Variants in CROCC2 observed in about 807,000 individuals in gnomAD.
The protein encoded by CROCC2 is ciliary rootlet coiled-coil, rootletin family member 2.
In CROCC2, 163 loss-of-function variants were observed where a neutral mutation model predicts 177.6. The ratio of observed to expected loss-of-function variants is 0.92; its 90% CI spans 0.81 to 1.05. CROCC2 has a LOEUF of 1.05. Among genes scored for constraint, CROCC2 ranks in the 50% least tolerant of loss-of-function variants. The pLI is 0.00. For missense variants in CROCC2, 1,929 were observed against 1,797.8 expected, an observed-to-expected ratio of 1.07 and a Z score of -1.32; for synonymous variants, 904 against 787.3, an observed-to-expected ratio of 1.15 and a Z score of -2.48.
chr2:240,934,469 G>A lies in CROCC2; in HGVS notation c.1785G>A (p.Leu595=). 13 of 1,547,888 alleles carry A rather than the reference G, an allele frequency of 8.4e-6. No homozygotes were observed. Among genetic ancestry groups the A allele is most frequent in the Non-Finnish European group, 5.2e-6 (6 of 1,146,594 alleles). ...AGAGGGAGGGACTGCGCAGCGCCCT[G>A]GCGCGGGTACACTCTGCTCCCCACA... The part of the protein sequence containing the change: ...ESEREGLRSA[L]ARAECSNADL... The change falls in exon 12 of 32, where the codon CTG becomes CTA. Residue 595 remains leucine (L), a synonymous_variant. Coordinates refer to ENST00000690015, the MANE Select transcript of CROCC2 (RefSeq NM_001351305.2).
At chr2:240,921,502 T>G (rs181883472) in intron 3 of CROCC2, among the ~76,000 whole-genome samples, 1 of 152,252 alleles carries the variant, frequency 6.6e-6, no homozygotes, top group Non-Finnish European at 1.5e-5. Context: ...CCAGTGGGAA[T>G]AGAAGCCACA....
Position 240,961,417 on chromosome 2 carries a change from G to T in CROCC2, c.3087+1973G>T, listed in dbSNP as rs571264451. Among the ~76,000 whole-genome samples, 3 of 151,742 alleles carry T rather than the reference G, an allele frequency of 2.0e-5. No individual in the cohort carries two copies. In the South Asian group the frequency reaches 6.2e-4, roughly 32 times the overall value. ...AGGCGTGCACAGAAACGTGCACCAA[G>T]CACACACACGCATGTGTGCGCACAC... On this transcript the variant is annotated intron_variant, in intron 20 of 31. Coordinates refer to ENST00000690015, the MANE Select transcript of CROCC2 (RefSeq NM_001351305.2).
At chr2:240,935,275 C>A in intron 13 of CROCC2, 83 bp from the exon 14 acceptor site, 1 of 1,277,102 alleles carries the variant, frequency 7.8e-7, no homozygotes, top group Non-Finnish European at 1.0e-6. Flanking sequence ...AGACAGTGCC[C>A]CGGGGCAGGC....
At chr2:240,975,923 G>A (rs2106486282) in intron 27 of CROCC2, among the ~76,000 whole-genome samples, 1 of 152,098 alleles carries the variant, frequency 6.6e-6, no homozygotes, top group Admixed American at 6.5e-5. Context: ...TAGGACTGGG[G>A]CTTCATTGTG....
chr2:240,992,277 A>C (rs2059884820), intron 31 of CROCC2, among the ~76,000 whole-genome samples: 1 of 152,132 alleles, frequency 6.6e-6, no homozygotes, highest in African/African-American at 2.4e-5. Context: ...GAATCCCTGC[A>C]TGTGCCACAG....
rs1283971304 is a variant in CROCC2 at position 240,988,875 on chromosome 2, A to C, written c.4683+5A>C. The C allele has an allele frequency of 6.8e-7, 1 of 1,468,834 alleles. No individual in the cohort carries two copies. Among genetic ancestry groups the C allele is most frequent in the African/African-American group, 1.4e-5 (1 of 70,812 alleles). The allele number at this position is 1,468,834 out of a possible 1,614,324, so 91.0% of individuals were successfully genotyped here. A position where few individuals can be genotyped will look rare whatever the true frequency, so the allele number is the denominator to read the frequency against. ...AGGCAAAATCAGCAGCTGCAGGTCA[A>C]CTGGGCCAGTGGAGCTCTGCATACC... On this transcript the variant is annotated splice_donor_5th_base_variant and intron_variant, in intron 29 of 31. Coordinates refer to ENST00000690015, the MANE Select transcript of CROCC2 (RefSeq NM_001351305.2).
chr2:240,942,522 A>G (rs538104289), intron 14 of CROCC2, among the ~76,000 whole-genome samples: 1 of 151,942 alleles, frequency 6.6e-6, no homozygotes, highest in African/African-American at 2.4e-5. Context: ...TTTTTTTATT[A>G]TGCTTAATAA....
At chr2:240,992,830 A>G (rs1284233624) in intron 31 of CROCC2, among the ~76,000 whole-genome samples, 2 of 152,210 alleles carry the variant, frequency 1.3e-5, no homozygotes, top group Admixed American at 1.3e-4. Flanking sequence ...CTTAGTAGGC[A>G]TGTCCCTTCC....
rs551521456 is a variant in CROCC2 at position 240,949,261 on chromosome 2, G to A, written c.2482+164G>A. Reference sequence around the variant, plus strand: ...CGACTGAGCGACTTGGGCCACCCTCGCCCATGAGGAGCAGCAACACCCTGC... The same window carrying A: ...CGACTGAGCGACTTGGGCCACCCTCACCCATGAGGAGCAGCAACACCCTGC... On this transcript the variant is annotated intron_variant, in intron 16 of 31. Coordinates refer to ENST00000690015, the MANE Select transcript of CROCC2 (RefSeq NM_001351305.2). The surrounding 1 kb of genome is among the most constrained non-coding windows in gnomAD (Gnocchi z 4.5). 49 of 919,578 alleles carry A rather than the reference G, an allele frequency of 5.3e-5. No homozygotes were observed. The South Asian group carries it at 1.1e-3, about 21-fold the overall frequency. The allele number at this position is 919,578 out of a possible 1,614,324, so 57.0% of individuals were successfully genotyped here.
At chr2:240,976,260 A>T (rs1414935034) in intron 27 of CROCC2, among the ~76,000 whole-genome samples, 6 of 88,472 alleles carry the variant, frequency 6.8e-5, no homozygotes, top group South Asian at 7.8e-4. Context: ...TAGGAGCCTC[A>T]GGATCCCAGG....
intron 14 of CROCC2, among the ~76,000 whole-genome samples, chr2:240,941,797 A>C (rs2059496204): frequency 6.6e-6 from 1 of 152,194 alleles, no homozygotes; most frequent in Non-Finnish European, 1.5e-5. Flanking sequence ...CCCCTCCAAA[A>C]TGTAGGTGTT....
intron 15 of CROCC2, 28 bp downstream of exon 15, chr2:240,946,281 TGTCCC>T (rs1287890700): frequency 1.3e-6 from 2 of 1,499,034 alleles, no homozygotes; most frequent in East Asian, 5.0e-5. Flanking sequence ...AGTCAGGGCA[TGTCCC>T]ACGTGTCCTT....
Position 240,989,848 on chromosome 2 carries a change from C to A in CROCC2, c.4863+15C>A. On this transcript the variant is annotated intron_variant, in intron 30 of 31. Coordinates refer to ENST00000690015, the MANE Select transcript of CROCC2 (RefSeq NM_001351305.2). ...TGGAAGAGCAGGTAAGGTCGGGACC[C>A]CAGCCCCCTGGGTGAGGGAAGAGGC... 2 of 1,526,528 alleles carry A rather than the reference C, an allele frequency of 1.3e-6. No individual in the cohort carries two copies. The highest frequency in any genetic ancestry group is 1.8e-6 in the Non-Finnish European group (2 of 1,129,528). The allele number at this position is 1,526,528 out of a possible 1,614,324, so 94.6% of individuals were successfully genotyped here.
At position 240,917,428 on chromosome 2, in the gene CROCC2, G is replaced by A. The variant is rs909313480; in HGVS notation, c.79-1298G>A. ...GTTGGGAGGAGGGTGGGGGAGCAGG[G>A]CACAGCCACCAGCCCAGGCCTGAGG... On this transcript the variant is annotated intron_variant, in intron 1 of 31. Transcript: ENST00000690015. This position sits in a 1 kb window ranked among gnomAD's most constrained non-coding sequence, Gnocchi z 4.9. Among the ~76,000 whole-genome samples the A allele has an allele frequency of 7.9e-5, 12 of 152,262 alleles. No homozygotes were observed. The highest frequency in any genetic ancestry group is 4.1e-4 in the South Asian group (2 of 4,826).
intron 11 of CROCC2, 74 bp downstream of exon 11, chr2:240,933,926 G>T (rs1211324721): frequency 2.0e-6 from 3 of 1,464,388 alleles, no homozygotes; most frequent in Non-Finnish European, 2.7e-6. Flanking sequence ...CAGCCACTTG[G>T]CCTTGGGCCA....
intron 14 of CROCC2, among the ~76,000 whole-genome samples, chr2:240,945,039 C>T (rs777813984): frequency 2.2e-4 from 33 of 152,208 alleles, no homozygotes; most frequent in Non-Finnish European, 4.0e-4. Flanking sequence ...TGGGTTCAAG[C>T]GATTCTCCTG....
At chr2:240,975,420 A>T (rs1428353309) in intron 27 of CROCC2, among the ~76,000 whole-genome samples, 1 of 152,242 alleles carries the variant, frequency 6.6e-6, no homozygotes, top group African/African-American at 2.4e-5. Context: ...GCAGCTCGCC[A>T]GTGCAGGGAG....
chr2:240,920,905 G>C (rs2059353831), intron 3 of CROCC2, among the ~76,000 whole-genome samples: 1 of 152,198 alleles, frequency 6.6e-6, no homozygotes, highest in Non-Finnish European at 1.5e-5. Flanking sequence ...CCAGTGCGTG[G>C]AGTGGGGTGT....
rs547459021 is a variant in CROCC2 at position 240,966,317 on chromosome 2, G to A, written c.4054G>A (p.Gly1352Arg). ...SPLRWPSPTP[G>R]GRSSELMDVA... ...CCTCCGATGGCCCTCGCCCACACCC[G>A]GAGGCCGCAGCTCAGAGCTCATGGA... Residue 1352 changes from glycine to arginine, a missense_variant, in exon 25 of 32, where the codon GGA becomes AGA. Gly to Arg is a moderately radical substitution (Grantham distance 125). Around this residue, in one of 3 missense-constraint regions of CROCC2, gnomAD observed 388 missense variants for 352.7 expected, o/e 1.10. Transcript: ENST00000690015. 2.3e-4 allele frequency: 94 copies of A among 416,510 alleles called. No homozygotes were observed. Among genetic ancestry groups the A allele is most frequent in the African/African-American group, 1.6e-3 (78 of 48,986 alleles). 25.8% of individuals were successfully genotyped at this position (416,510 alleles called of 1,614,324 possible).
Sources: gnomAD v4.1 joint callset for allele counts (sites outside exome capture counted in the v4.1 genomes callset) on GRCh38, gnomAD v4.1.1 for gene constraint, gnomAD v4.1.1 regional missense constraint, Gnocchi (gnomAD v3.1) non-coding constraint, MANE v1.5 for transcripts, NCBI Gene and HGNC (gene_info 2026-07-23, HGNC 2026-07-21) for gene names.